The following PTPRD variants were observed in gnomAD, a reference collection of about 807,000 sequenced individuals.
The protein encoded by PTPRD is receptor-type tyrosine-protein phosphatase delta.
Under a neutral mutation model 214.5 loss-of-function variants are expected in PTPRD, and 34 were observed. The ratio of observed to expected loss-of-function variants is 0.16; its 90% confidence interval spans 0.12 to 0.21. PTPRD has a LOEUF of 0.21. PTPRD is among the 10% of genes least tolerant of loss of function. The probability of loss-of-function intolerance (pLI) is 1.00; values close to 1 mark genes in which losing one functional copy is unlikely to be tolerated. For missense variants in PTPRD, 2,545 were observed against 2,398.7 expected, an observed-to-expected ratio of 1.06 and a Z score of -1.27; for synonymous variants, 1,128 against 845.7, an observed-to-expected ratio of 1.33 and a Z score of -5.79.
chr9:8,376,367 T>A (rs1564389037), intron 38 of PTPRD, among the ~76,000 whole-genome samples: 1 of 152,060 alleles, frequency 6.6e-6, no homozygotes. Flanking sequence ...AAGAGCTAGT[T>A]CTTCTTCATC....
intron 4 of PTPRD, among the ~76,000 whole-genome samples, chr9:9,997,766 A>C (rs1476415179): frequency 6.6e-6 from 1 of 151,982 alleles, no homozygotes; most frequent in Non-Finnish European, 1.5e-5. Flanking sequence ...AATGTGGGTG[A>C]TTAGAAAGTA....
In PTPRD at chr9:10,336,705, G is replaced by A. The variant is rs1291321138; in HGVS notation, c.-545+4258C>T. On this transcript the variant is annotated intron_variant, in intron 3 of 45. Transcript: ENST00000381196. ...TGAATAAAAAAAATCGAGGAGGGGA[G>A]ACAAAAAAGTCGACAAATAACAATC... Among the ~76,000 whole-genome samples, 5 of 151,204 alleles carry A rather than the reference G, an allele frequency of 3.3e-5. No homozygotes were observed. In the Admixed American group the frequency reaches 3.3e-4, roughly 10 times the overall value.
intron 2 of PTPRD, among the ~76,000 whole-genome samples, chr9:10,492,785 C>G (rs1012209848): frequency 4.6e-5 from 7 of 152,032 alleles, no homozygotes; most frequent in African/African-American, 1.7e-4. Flanking sequence ...AAGTCTATGC[C>G]CATGTCTATG....
intron 10 of PTPRD, among the ~76,000 whole-genome samples, chr9:9,125,760 T>C (rs890437987): frequency 1.3e-5 from 2 of 152,172 alleles, no homozygotes; most frequent in African/African-American, 4.8e-5. Flanking sequence ...ATCCATGCCC[T>C]CATAGAACTA....
intron 9 of PTPRD, among the ~76,000 whole-genome samples, chr9:9,390,044 C>T (rs951125753): frequency 2.0e-5 from 3 of 152,114 alleles, no homozygotes; most frequent in African/African-American, 4.8e-5. Flanking sequence ...GGTGACATTT[C>T]AGCAGAGACT....
chr9:9,075,447 A>T (rs2099749633), intron 10 of PTPRD, among the ~76,000 whole-genome samples: 1 of 152,142 alleles, frequency 6.6e-6, no homozygotes, highest in African/African-American at 2.4e-5. Flanking sequence ...GTTCTAGGGT[A>T]CATGTGCACA....
At chr9:9,947,373 ATT>A (rs1491488778) in intron 4 of PTPRD, among the ~76,000 whole-genome samples, 2,944 of 57,546 alleles carry the variant, frequency 0.051, 169 homozygotes, top group Non-Finnish European at 0.068. Context: ...TTATATATAT[ATT>A]ATATATATTT....
chr9:9,426,136 G>A (rs528579189), intron 8 of PTPRD, among the ~76,000 whole-genome samples: 2 of 152,292 alleles, frequency 1.3e-5, no homozygotes, highest in Admixed American at 6.5e-5. Context: ...AGCACAAGGG[G>A]TTGGGGAATT....
At chr9:9,120,675 C>G (rs948092500) in intron 10 of PTPRD, among the ~76,000 whole-genome samples, 1 of 152,146 alleles carries the variant, frequency 6.6e-6, no homozygotes, top group African/African-American at 2.4e-5. Context: ...GGTCCCAGCA[C>G]CGGTGAGTCT....
intron 9 of PTPRD, among the ~76,000 whole-genome samples, chr9:9,271,379 A>G (rs1293828405): frequency 1.3e-5 from 2 of 151,072 alleles, no homozygotes; most frequent in African/African-American, 2.4e-5. Context: ...CTAATTAACT[A>G]TTTATCTTTC....
intron 12 of PTPRD, among the ~76,000 whole-genome samples, chr9:8,677,319 T>C (rs1356443059): frequency 6.6e-6 from 1 of 152,146 alleles, no homozygotes; most frequent in Non-Finnish European, 1.5e-5. Context: ...TATATATACA[T>C]GAGGAAATAC....
chr9:8,338,866 G>T lies in PTPRD; in HGVS notation c.5379+56C>A. On this transcript the variant is annotated intron_variant, in intron 43 of 45. Coordinates refer to ENST00000381196, the MANE Select transcript of PTPRD (RefSeq NM_002839.4). Reference sequence around the variant, plus strand: ...TTCTCCCAGAGAGAGAGAGAGAGAGGTATCTTAGACTACTTTTCAGCTAAT... The same window carrying T: ...TTCTCCCAGAGAGAGAGAGAGAGAGTTATCTTAGACTACTTTTCAGCTAAT... 3 of 712,488 alleles carry T rather than the reference G, an allele frequency of 4.2e-6. No homozygotes were observed. In the South Asian group the frequency reaches 6.8e-5, roughly 16 times the overall value. The allele number at this position is 712,488 out of a possible 1,614,324, so 44.1% of individuals were successfully genotyped here.
chr9:10,604,554 G>A (rs974886862), intron 2 of PTPRD, among the ~76,000 whole-genome samples: 2 of 151,816 alleles, frequency 1.3e-5, no homozygotes, highest in Non-Finnish European at 2.9e-5. Context: ...CAATTATACT[G>A]CAAGAAAGCC....
intron 10 of PTPRD, among the ~76,000 whole-genome samples, chr9:9,172,653 T>C (rs1009206560): frequency 2.6e-5 from 4 of 152,162 alleles, no homozygotes; most frequent in African/African-American, 4.8e-5. Flanking sequence ...GTTTGGCATA[T>C]AGATGGCACT....
intron 36 of PTPRD, among the ~76,000 whole-genome samples, chr9:8,395,258 C>A (rs368123401): frequency 1.3e-5 from 2 of 152,188 alleles, no homozygotes; most frequent in Admixed American, 6.5e-5. Context: ...TCTACTCCAA[C>A]GCACAAACGA....
At chr9:10,555,919 G>A (rs377564316) in intron 2 of PTPRD, among the ~76,000 whole-genome samples, 1 of 152,214 alleles carries the variant, frequency 6.6e-6, no homozygotes, top group South Asian at 2.1e-4. Context: ...AATAAAGAGC[G>A]TGAAGAGAAT....
intron 3 of PTPRD, among the ~76,000 whole-genome samples, chr9:10,181,139 T>C (rs557282683): frequency 6.6e-6 from 1 of 152,070 alleles, no homozygotes. Context: ...TAATGAATGA[T>C]TATGATTTTT....
At chr9:10,528,461 A>G (rs1590127254) in intron 2 of PTPRD, among the ~76,000 whole-genome samples, 1 of 152,278 alleles carries the variant, frequency 6.6e-6, no homozygotes, top group South Asian at 2.1e-4. Context: ...TCATTATAGA[A>G]CCTGTTACAG....
At chr9:8,588,753 T>G (rs533047228) in intron 14 of PTPRD, among the ~76,000 whole-genome samples, 1 of 152,294 alleles carries the variant, frequency 6.6e-6, no homozygotes, top group South Asian at 2.1e-4. Context: ...ACCTGCAATC[T>G]TAGGAAGTTA....
Sources: gnomAD v4.1 joint callset for allele counts (sites outside exome capture counted in the v4.1 genomes callset) on GRCh38, gnomAD v4.1.1 for gene constraint, MANE v1.5 for transcripts, NCBI Gene and HGNC (gene_info 2026-07-23, HGNC 2026-07-21) for gene names.